The following RUNDC3B variants were observed in gnomAD, a reference collection of about 807,000 sequenced individuals.
The protein encoded by RUNDC3B is RUN domain-containing protein 3B.
A neutral mutation model predicts 58.4 loss-of-function variants in RUNDC3B; 33 were observed. That is an observed-to-expected ratio of 0.56 (90% CI 0.43 to 0.75). The LOEUF is 0.75. RUNDC3B is among the 30% of genes least tolerant of loss of function. RUNDC3B has a pLI of 0.00. For synonymous variants in RUNDC3B, 193 were observed against 195.2 expected (o/e 0.99, Z 0.10); for missense variants, 501 against 535.7 (o/e 0.94, Z 0.64).
chr7:87,652,546 A>G (rs536012298), intron 2 of RUNDC3B, among the ~76,000 whole-genome samples: 4 of 151,420 alleles, frequency 2.6e-5, no homozygotes, highest in Non-Finnish European at 5.9e-5. Flanking sequence ...AAGCTGATAC[A>G]GTACGAATTG....
intron 8 of RUNDC3B, among the ~76,000 whole-genome samples, chr7:87,792,913 T>C (rs1306422244): frequency 1.3e-5 from 2 of 152,034 alleles, no homozygotes; most frequent in Admixed American, 1.3e-4. Flanking sequence ...AAGAAAAAGT[T>C]GTTTTGAAAA....
chr7:87,691,952 A>C (rs925049722), intron 2 of RUNDC3B, among the ~76,000 whole-genome samples: 1 of 152,166 alleles, frequency 6.6e-6, no homozygotes, highest in Non-Finnish European at 1.5e-5. Context: ...GATAACTTGG[A>C]ATATAGTGGA....
At chr7:87,649,017 A>G (rs2130360167) in intron 1 of RUNDC3B, among the ~76,000 whole-genome samples, 1 of 152,214 alleles carries the variant, frequency 6.6e-6, no homozygotes, top group African/African-American at 2.4e-5. Flanking sequence ...AAAACCTTAA[A>G]AAAAGCTTGT....
At chr7:87,723,087 G>A (rs1831004133) in intron 4 of RUNDC3B, among the ~76,000 whole-genome samples, 1 of 152,012 alleles carries the variant, frequency 6.6e-6, no homozygotes, top group Admixed American at 6.6e-5. Flanking sequence ...AACAAATGAA[G>A]CACAAAAATA....
At chr7:87,775,183 C>A (rs1010285836) in intron 7 of RUNDC3B, among the ~76,000 whole-genome samples, 2 of 152,100 alleles carry the variant, frequency 1.3e-5, no homozygotes, top group African/African-American at 4.8e-5. Context: ...CTCCTGAAGT[C>A]CTTGCAGTCA....
At chr7:87,634,496 G>A (rs1044890046) in intron 1 of RUNDC3B, among the ~76,000 whole-genome samples, 1 of 36,658 alleles carries the variant, frequency 2.7e-5, no homozygotes, top group Non-Finnish European at 7.2e-5. Context: ...GTGGGGGGTG[G>A]GGGGGGGGGC....
chr7:87,668,200 C>T (rs1244968763), intron 2 of RUNDC3B, among the ~76,000 whole-genome samples: 2 of 151,792 alleles, frequency 1.3e-5, no homozygotes, highest in Non-Finnish European at 2.9e-5. Context: ...CAGTTTCTTC[C>T]TGGCTCTGTC....
At chr7:87,788,519 T>A (rs1318359748) in intron 8 of RUNDC3B, among the ~76,000 whole-genome samples, 1 of 152,140 alleles carries the variant, frequency 6.6e-6, no homozygotes, top group Admixed American at 6.5e-5. Context: ...TATGGTTTTA[T>A]GGAAATCTGT....
chr7:87,723,021 T>C (rs1830999133), intron 4 of RUNDC3B, among the ~76,000 whole-genome samples: 1 of 152,156 alleles, frequency 6.6e-6, no homozygotes. Flanking sequence ...CTCACAGTTG[T>C]CAATGATAAT....
chr7:87,802,254 A>G (rs1011488254), intron 8 of RUNDC3B, among the ~76,000 whole-genome samples: 5 of 151,980 alleles, frequency 3.3e-5, no homozygotes, highest in Non-Finnish European at 5.9e-5. Flanking sequence ...TTAGCTGGTC[A>G]TGGTGGTTGC....
At chr7:87,757,495 A>G (rs13245259) in intron 6 of RUNDC3B, among the ~76,000 whole-genome samples, 2 of 152,184 alleles carry the variant, frequency 1.3e-5, no homozygotes, top group Non-Finnish European at 2.9e-5. Context: ...GATCTCTACA[A>G]TGAAAATTAT....
At chr7:87,804,632 T>G (rs1836345061) in intron 8 of RUNDC3B, among the ~76,000 whole-genome samples, 1 of 152,184 alleles carries the variant, frequency 6.6e-6, no homozygotes, top group African/African-American at 2.4e-5. Flanking sequence ...TCAGTGTACC[T>G]TCTATAGAAT....
At chr7:87,647,463 A>T (rs549355549) in intron 1 of RUNDC3B, among the ~76,000 whole-genome samples, 3 of 152,322 alleles carry the variant, frequency 2.0e-5, no homozygotes, top group South Asian at 2.1e-4. Context: ...CACATTAAAG[A>T]TATTTGCAAA....
At chr7:87,795,695 CG>C (rs1290546495) in intron 8 of RUNDC3B, among the ~76,000 whole-genome samples, 1 of 146,818 alleles carries the variant, frequency 6.8e-6, no homozygotes, top group Non-Finnish European at 1.5e-5. Context: ...CTGGCCAACA[CG>C]GGGAAACCCC....
intron 4 of RUNDC3B, among the ~76,000 whole-genome samples, chr7:87,734,385 C>T (rs957906153): frequency 6.6e-6 from 1 of 152,170 alleles, no homozygotes; most frequent in African/African-American, 2.4e-5. Flanking sequence ...ACCTTGAAAA[C>T]CTGCTAAGCT....
At chr7:87,775,761 C>T (rs113688778) in intron 7 of RUNDC3B, among the ~76,000 whole-genome samples, 4,592 of 152,194 alleles carry the variant, frequency 0.03, 69 homozygotes, top group Middle Eastern at 0.051. Context: ...CAATTGCCTA[C>T]AGTACCCAGT....
chr7:87,629,642 A>G (rs921929696), intron 1 of RUNDC3B, among the ~76,000 whole-genome samples: 1 of 152,112 alleles, frequency 6.6e-6, no homozygotes, highest in African/African-American at 2.4e-5. Context: ...AATAATTACT[A>G]TTGGGCCGGG....
chr7:87,669,107 G>A (rs1825572113), intron 2 of RUNDC3B, among the ~76,000 whole-genome samples: 1 of 152,078 alleles, frequency 6.6e-6, no homozygotes, highest in Non-Finnish European at 1.5e-5. Flanking sequence ...TTCCATGGGA[G>A]TTTGTGCCTC....
intron 5 of RUNDC3B, among the ~76,000 whole-genome samples, chr7:87,740,220 ATAGACT>A (rs1198077827): frequency 6.6e-6 from 1 of 152,180 alleles, no homozygotes; most frequent in African/African-American, 2.4e-5. Flanking sequence ...ATTAAAAGAA[ATAGACT>A]TAAAGTAGTT....
Sources: allele counts gnomAD v4.1 joint callset (sites outside exome capture counted in the v4.1 genomes callset), GRCh38; gene constraint gnomAD v4.1.1; transcripts MANE v1.5; gene names NCBI Gene and HGNC (gene_info 2026-07-23, HGNC 2026-07-21).